NPSR1: variants seen among roughly 807,000 people sequenced by gnomAD.
NPSR1 encodes neuropeptide S receptor 1, also known as neuropeptide S receptor.
A neutral mutation model predicts 46.9 loss-of-function variants in NPSR1; 48 were observed. That is an observed-to-expected ratio of 1.02 (90% CI 0.81 to 1.30). NPSR1 has a LOEUF of 1.30. Ranked by LOEUF, NPSR1 falls within the 50% of genes most tolerant of loss-of-function variation. The pLI, the probability that NPSR1 is intolerant of heterozygous loss-of-function variation, is 0.00. For missense variants in NPSR1, 450 were observed against 449.5 expected, an observed-to-expected ratio of 1.00 and a Z score of -0.01; for synonymous variants, 176 against 168.1, an observed-to-expected ratio of 1.05 and a Z score of -0.36.
At chr7:34,870,995 A>G (rs532903932) in intron 8 of NPSR1, among the ~76,000 whole-genome samples, 2 of 151,860 alleles carry the variant, frequency 1.3e-5, no homozygotes, top group South Asian at 4.1e-4. Flanking sequence ...TGAAAGCAGA[A>G]GTTGTGAATG....
chr7:34,806,169 G>C (rs1029203455), intron 3 of NPSR1, among the ~76,000 whole-genome samples: 1 of 152,074 alleles, frequency 6.6e-6, no homozygotes, highest in Non-Finnish European at 1.5e-5. Flanking sequence ...CCCAGCAATT[G>C]TAAGGCTATG....
intron 1 of NPSR1, among the ~76,000 whole-genome samples, chr7:34,673,014 A>C (rs1015011777): frequency 2.6e-5 from 4 of 151,732 alleles, no homozygotes; most frequent in Non-Finnish European, 5.9e-5. Flanking sequence ...TGCAGTTCTC[A>C]CTCTCTGCCT....
In NPSR1 at chr7:34,827,399, A is replaced by G; in HGVS notation, c.479-2A>G. On this transcript the variant is annotated splice_acceptor_variant, in intron 4 of 8. Transcript: ENST00000360581. LOFTEE classifies it high-confidence loss of function. Reference sequence around the variant, plus strand: ...AGACATTCCTCTCTTTTCTTTGGGCAGAAAAGCAAGCCAGGGTCCTCATTG... The same window carrying G: ...AGACATTCCTCTCTTTTCTTTGGGCGGAAAAGCAAGCCAGGGTCCTCATTG... The G allele has an allele frequency of 6.2e-7, 1 of 1,613,996 alleles. No individual in the cohort carries two copies. The highest frequency in any genetic ancestry group is 8.5e-7 in the Non-Finnish European group (1 of 1,179,894).
At chr7:34,867,328 T>C (rs1228925710) in intron 8 of NPSR1, among the ~76,000 whole-genome samples, 1 of 151,530 alleles carries the variant, frequency 6.6e-6, no homozygotes, top group Non-Finnish European at 1.5e-5. Context: ...AGATGTGGAG[T>C]CCCATGTGAG....
intron 2 of NPSR1, among the ~76,000 whole-genome samples, chr7:34,740,898 AG>A (rs1784907652): frequency 6.6e-6 from 1 of 152,192 alleles, no homozygotes; most frequent in Non-Finnish European, 1.5e-5. Context: ...TCTAAGTGAC[AG>A]CTGCAATCTA....
intron 3 of NPSR1, among the ~76,000 whole-genome samples, chr7:34,803,395 G>T (rs1481692042): frequency 5.3e-5 from 8 of 152,194 alleles, no homozygotes; most frequent in East Asian, 1.9e-4. Flanking sequence ...CCATAAAAAA[G>T]GATGAGTTCA....
intron 6 of NPSR1, among the ~76,000 whole-genome samples, chr7:34,842,606 C>T (rs1042165425): frequency 1.3e-5 from 2 of 152,174 alleles, no homozygotes; most frequent in African/African-American, 4.8e-5. Context: ...GTTCGTGGTC[C>T]CATGAAACGC....
chr7:34,842,926 A>G (rs1790622676), intron 6 of NPSR1, among the ~76,000 whole-genome samples: 1 of 152,224 alleles, frequency 6.6e-6, no homozygotes, highest in Non-Finnish European at 1.5e-5. Flanking sequence ...CAGCCAAGCA[A>G]TATGACTCAC....
chr7:34,743,595 A>T (rs950342198), intron 2 of NPSR1, among the ~76,000 whole-genome samples: 1 of 151,978 alleles, frequency 6.6e-6, no homozygotes, highest in Non-Finnish European at 1.5e-5. Flanking sequence ...ACCCACTACC[A>T]CGCCTGGCTA....
At chr7:34,728,990 C>T (rs1289523917) in intron 2 of NPSR1, among the ~76,000 whole-genome samples, 1 of 152,156 alleles carries the variant, frequency 6.6e-6, no homozygotes, top group Non-Finnish European at 1.5e-5. Context: ...TTATAGTGGA[C>T]CCACAATTTC....
chr7:34,834,231 C>T (rs1388010844), intron 5 of NPSR1, 153 bp from the exon 6 acceptor site: 5 of 629,668 alleles, frequency 7.9e-6, no homozygotes, highest in Non-Finnish European at 1.4e-5. Flanking sequence ...CTTTCAGTTG[C>T]AATTCTATGA....
chr7:34,830,760 T>A (rs1790079231), intron 5 of NPSR1, among the ~76,000 whole-genome samples: 1 of 152,356 alleles, frequency 6.6e-6, no homozygotes, highest in South Asian at 2.1e-4. Flanking sequence ...ATTGTTTTAC[T>A]TATTGCCCAG....
At chr7:34,810,533 T>G (rs62462951) in intron 3 of NPSR1, among the ~76,000 whole-genome samples, 12,409 of 152,118 alleles carry the variant, frequency 0.082, 607 homozygotes, top group East Asian at 0.12. Context: ...AAAGGGGAGC[T>G]CTCTGATGGT....
intron 8 of NPSR1, among the ~76,000 whole-genome samples, chr7:34,869,564 C>T (rs1206077763): frequency 1.3e-5 from 2 of 151,674 alleles, no homozygotes; most frequent in African/African-American, 4.9e-5. Context: ...CAGGGCCCTC[C>T]TTACCTCTAG....
intron 2 of NPSR1, among the ~76,000 whole-genome samples, chr7:34,701,891 A>G (rs1009804985): frequency 6.6e-6 from 1 of 152,212 alleles, no homozygotes; most frequent in Non-Finnish European, 1.5e-5. Flanking sequence ...TTTGAAGAAC[A>G]TTTTTACTTC....
intron 5 of NPSR1, among the ~76,000 whole-genome samples, chr7:34,828,255 G>A (rs1250560164): frequency 6.6e-6 from 1 of 152,234 alleles, no homozygotes. Flanking sequence ...AGAAATCAGA[G>A]TGAGTGTAGA....
intron 2 of NPSR1, chr7:34,751,966 G>T: frequency 9.6e-7 from 1 of 1,038,558 alleles, no homozygotes; most frequent in Non-Finnish European, 1.5e-6. Context: ...CGTTTGCCCA[G>T]AGAAGTCTTT....
intron 2 of NPSR1, among the ~76,000 whole-genome samples, chr7:34,730,158 T>C (rs2128713228): frequency 1.3e-5 from 2 of 152,346 alleles, no homozygotes; most frequent in East Asian, 1.9e-4. Context: ...ACTTTAATAA[T>C]TGAAAATCCA....
At chr7:34,812,518 G>A (rs768833335) in intron 4 of NPSR1, among the ~76,000 whole-genome samples, 13 of 152,076 alleles carry the variant, frequency 8.5e-5, no homozygotes, top group Admixed American at 5.9e-4. Context: ...GAGAGGACCC[G>A]AGGCAACTGA....
Sources: gnomAD v4.1 joint callset for allele counts (sites outside exome capture counted in the v4.1 genomes callset) on GRCh38, gnomAD v4.1.1 for gene constraint, MANE v1.5 for transcripts, NCBI Gene and HGNC (gene_info 2026-07-23, HGNC 2026-07-21) for gene names.